ARFIP1: variants seen among roughly 807,000 people sequenced by gnomAD.
ARFIP1 encodes the protein ARF interacting protein 1, also known as arfaptin-1.
ARFIP1 carries 24 observed loss-of-function variants against 42.5 expected under a neutral mutation model. The ratio of observed to expected loss-of-function variants is 0.57; its 90% CI spans 0.41 to 0.80. The LOEUF is 0.80. Among genes scored for constraint, ARFIP1 ranks in the 30% least tolerant of loss-of-function variants. The pLI is 0.00. For synonymous variants in ARFIP1, 141 were observed against 153.7 expected (o/e 0.92, Z 0.61); for missense variants, 354 against 434.0 (o/e 0.82, Z 1.64).
chr4:152,872,404 C>T, intron 4 of ARFIP1, 48 bp from the exon 5 acceptor site: 5 of 1,254,018 alleles, frequency 4.0e-6, no homozygotes, highest in East Asian at 4.9e-5. Context: ...TTTTCTTTCC[C>T]TGCTTGTCTT....
rs545602334 is a variant in ARFIP1, at chr4:152,880,851, A to C, written c.412-112A>C. On this transcript the variant is annotated intron_variant, in intron 5 of 8. Coordinates refer to ENST00000353617, the MANE Select transcript of ARFIP1 (RefSeq NM_001025595.3). ...TCAAGTAAGGGAGCTGACAATTTTCAGTTTGTTACGCTAGCTTGTTTGAAT... is the reference window on the plus strand; with the variant it reads ...TCAAGTAAGGGAGCTGACAATTTTCCGTTTGTTACGCTAGCTTGTTTGAAT... The C allele has an allele frequency of 6.1e-5, 47 of 771,140 alleles. No homozygotes were observed. In the African/African-American group the frequency reaches 7.8e-4, roughly 13 times the overall value. The allele number at this position is 771,140 out of a possible 1,614,324, so 47.8% of individuals were successfully genotyped here.
At chr4:152,904,852 CAT>C (rs1434803280) in intron 8 of ARFIP1, among the ~76,000 whole-genome samples, 5 of 152,114 alleles carry the variant, frequency 3.3e-5, no homozygotes, top group South Asian at 4.1e-4. Context: ...CTGCAGTAAA[CAT>C]ATGTGTGCAT....
intron 1 of ARFIP1, among the ~76,000 whole-genome samples, chr4:152,783,579 A>AC (rs1561092314): frequency 2.0e-5 from 3 of 152,334 alleles, no homozygotes; most frequent in East Asian, 3.9e-4. Context: ...GAGCCAGTGC[A>AC]TGGCTCCACC....
intron 1 of ARFIP1, among the ~76,000 whole-genome samples, chr4:152,823,810 G>A (rs1291214312): frequency 7.1e-6 from 1 of 141,222 alleles, no homozygotes; most frequent in Non-Finnish European, 1.5e-5. Context: ...AAAAAGAATT[G>A]GTACCAATTT....
At chr4:152,872,160 C>T (rs1417121409) in intron 4 of ARFIP1, among the ~76,000 whole-genome samples, 2 of 152,046 alleles carry the variant, frequency 1.3e-5, no homozygotes, top group Non-Finnish European at 2.9e-5. Context: ...AAGTAAGCGG[C>T]AGCTTATATA....
intron 2 of ARFIP1, among the ~76,000 whole-genome samples, chr4:152,847,077 C>A (rs1732592244): frequency 6.9e-6 from 1 of 144,234 alleles, no homozygotes; most frequent in African/African-American, 2.6e-5. Context: ...AATCCCTTTG[C>A]CAGCAGTTTA....
intron 1 of ARFIP1, among the ~76,000 whole-genome samples, chr4:152,822,599 C>T (rs1195298466): frequency 1.3e-5 from 2 of 152,136 alleles, no homozygotes; most frequent in East Asian, 1.9e-4. Context: ...ACCCAGGAAC[C>T]GCAGAATAAA....
chr4:152,788,163 C>CAG (rs1347553921), intron 1 of ARFIP1, among the ~76,000 whole-genome samples: 3 of 152,156 alleles, frequency 2.0e-5, no homozygotes, highest in Non-Finnish European at 2.9e-5. Context: ...ACCTGGGAGG[C>CAG]AGAGGTTGCA....
chr4:152,835,864 A>G (rs970970486), intron 2 of ARFIP1, among the ~76,000 whole-genome samples: 2 of 152,180 alleles, frequency 1.3e-5, no homozygotes, highest in African/African-American at 2.4e-5. Context: ...GTTTCCAATC[A>G]TAAGTGGTAG....
At chr4:152,907,550 A>T (rs985132779) in intron 8 of ARFIP1, among the ~76,000 whole-genome samples, 1 of 151,938 alleles carries the variant, frequency 6.6e-6, no homozygotes, top group South Asian at 2.1e-4. Context: ...TATTGTTCCT[A>T]TTGGTTTTCT....
intron 8 of ARFIP1, among the ~76,000 whole-genome samples, chr4:152,897,454 T>C (rs1737436089): frequency 6.6e-6 from 1 of 152,184 alleles, no homozygotes; most frequent in African/African-American, 2.4e-5. Context: ...ATAGACTTGG[T>C]TCTTTTTTGG....
At chr4:152,795,172 T>C (rs964942995) in intron 1 of ARFIP1, among the ~76,000 whole-genome samples, 2 of 152,056 alleles carry the variant, frequency 1.3e-5, no homozygotes, top group Admixed American at 6.6e-5. Context: ...TTTTGTTTGT[T>C]TGTTTGTTTG....
At chr4:152,801,704 A>G (rs1728439732) in intron 1 of ARFIP1, among the ~76,000 whole-genome samples, 1 of 152,194 alleles carries the variant, frequency 6.6e-6, no homozygotes, top group South Asian at 2.1e-4. Flanking sequence ...AGAAAAGTAC[A>G]TTTAGGGTAC....
chr4:152,839,331 T>TAG (rs1731883364), intron 2 of ARFIP1, among the ~76,000 whole-genome samples: 1 of 152,294 alleles, frequency 6.6e-6, no homozygotes, highest in South Asian at 2.1e-4. Flanking sequence ...TTCTCTCTCT[T>TAG]ATGGAATAGT....
chr4:152,820,470 A>AT (rs796593500), intron 1 of ARFIP1, among the ~76,000 whole-genome samples: 16 of 152,308 alleles, frequency 1.1e-4, no homozygotes, highest in African/African-American at 3.4e-4. Flanking sequence ...AGACTGGGTA[A>AT]TTTATGAAGA....
intron 1 of ARFIP1, among the ~76,000 whole-genome samples, chr4:152,822,086 A>C (rs1358503372): frequency 1.3e-5 from 2 of 152,164 alleles, no homozygotes; most frequent in South Asian, 4.1e-4. Context: ...AGGTAACAAC[A>C]TGATGATCTA....
chr4:152,892,744 G>C (rs368434110), intron 8 of ARFIP1, among the ~76,000 whole-genome samples: 4 of 152,262 alleles, frequency 2.6e-5, no homozygotes, highest in African/African-American at 9.6e-5. Context: ...AACATGTGTT[G>C]TTCTACTAGT....
intron 8 of ARFIP1, among the ~76,000 whole-genome samples, chr4:152,889,526 TATATATATAC>T (rs773257053): frequency 0.35 from 35,844 of 103,656 alleles, 8,497 homozygotes; most frequent in Admixed American, 0.47. Context: ...TATATATATA[TATATATATAC>T]ACCTATTTTT....
chr4:152,790,522 G>GT (rs1168811349), intron 1 of ARFIP1, among the ~76,000 whole-genome samples: 2 of 152,148 alleles, frequency 1.3e-5, no homozygotes, highest in African/African-American at 4.8e-5. Context: ...TGGTTTCTCT[G>GT]TAACACAGTC....
Sources: allele counts gnomAD v4.1 joint callset (sites outside exome capture counted in the v4.1 genomes callset), GRCh38; gene constraint gnomAD v4.1.1; transcripts MANE v1.5; gene names NCBI Gene and HGNC (gene_info 2026-07-23, HGNC 2026-07-21).